Variants in FANCC observed in about 807,000 individuals in gnomAD.
FANCC encodes the protein Fanconi anemia group C protein.
A neutral mutation model predicts 71.3 loss-of-function variants in FANCC; 55 were observed. The observed-to-expected ratio is 0.77, with a 90% CI of 0.62 to 0.97. The LOEUF is 0.97. Among genes scored for constraint, FANCC ranks in the 50% least tolerant of loss-of-function variants. The pLI, the probability that FANCC is intolerant of heterozygous loss-of-function variation, is 0.00. For missense variants in FANCC, 678 were observed against 670.9 expected, an observed-to-expected ratio of 1.01 and a Z score of -0.12; for synonymous variants, 275 against 244.9, an observed-to-expected ratio of 1.12 and a Z score of -1.15.
intron 1 of FANCC, among the ~76,000 whole-genome samples, chr9:95,262,374 C>T (rs1003132467): frequency 2.6e-5 from 4 of 152,114 alleles, no homozygotes; most frequent in Admixed American, 6.5e-5. Context: ...AGGGAGGAGA[C>T]GCTGGGTGAC....
intron 4 of FANCC, among the ~76,000 whole-genome samples, chr9:95,191,240 C>T (rs938545505): frequency 2.6e-5 from 4 of 151,744 alleles, no homozygotes; most frequent in African/African-American, 9.7e-5. Context: ...AGCCTGAGTG[C>T]TCCCTCCTAT....
At chr9:95,123,522 T>C (rs1312873679) in intron 10 of FANCC, 1 of 500,160 alleles carries the variant, frequency 2.0e-6, no homozygotes, top group Non-Finnish European at 4.0e-6. Context: ...GCCTCCAATA[T>C]GATGAAAAAA....
At chr9:95,224,443 T>C (rs956388135) in intron 4 of FANCC, among the ~76,000 whole-genome samples, 1 of 151,916 alleles carries the variant, frequency 6.6e-6, no homozygotes, top group African/African-American at 2.4e-5. Flanking sequence ...AACAAGATAA[T>C]GCATGCATAA....
At chr9:95,166,135 G>C (rs1231896158) in intron 6 of FANCC, among the ~76,000 whole-genome samples, 3 of 151,902 alleles carry the variant, frequency 2.0e-5, no homozygotes, top group Non-Finnish European at 4.4e-5. Flanking sequence ...TGAGTCTCTT[G>C]TAGCTAGAAT....
chr9:95,111,071 C>T (rs1232848218), intron 13 of FANCC: 10 of 1,492,938 alleles, frequency 6.7e-6, no homozygotes, highest in African/African-American at 4.2e-5. Context: ...TGCTGGGGAG[C>T]GAGACAGGGC....
chr9:95,113,482 G>A (rs1353681911), intron 12 of FANCC, among the ~76,000 whole-genome samples: 1 of 151,920 alleles, frequency 6.6e-6, no homozygotes, highest in Non-Finnish European at 1.5e-5. Flanking sequence ...ACATAAGAGG[G>A]TACCTAACAC....
chr9:95,170,013 T>C (rs147715394), intron 6 of FANCC, among the ~76,000 whole-genome samples: 1 of 152,216 alleles, frequency 6.6e-6, no homozygotes, highest in Non-Finnish European at 1.5e-5. Flanking sequence ...TTTTAAAAAT[T>C]ATTTTGTTTA....
intron 1 of FANCC, among the ~76,000 whole-genome samples, chr9:95,275,322 CAG>C (rs972351006): frequency 3.9e-5 from 6 of 151,956 alleles, no homozygotes; most frequent in Admixed American, 2.0e-4. Context: ...AAAATAAAAA[CAG>C]AAATTCCACT....
At chr9:95,155,521 T>G (rs1429171513) in intron 6 of FANCC, among the ~76,000 whole-genome samples, 1 of 152,172 alleles carries the variant, frequency 6.6e-6, no homozygotes, top group Non-Finnish European at 1.5e-5. Flanking sequence ...TTTTTTCCCC[T>G]TTATTTACAT....
intron 7 of FANCC, among the ~76,000 whole-genome samples, chr9:95,145,676 G>A (rs866973245): frequency 2.6e-5 from 4 of 152,060 alleles, no homozygotes; most frequent in African/African-American, 9.7e-5. Context: ...TGATACTGCC[G>A]CACGCACATG....
intron 4 of FANCC, among the ~76,000 whole-genome samples, chr9:95,223,254 G>C (rs1829393739): frequency 6.6e-6 from 1 of 152,166 alleles, no homozygotes; most frequent in African/African-American, 2.4e-5. Flanking sequence ...GGTGTCCTAA[G>C]GGCTGATACC....
chr9:95,142,101 TC>T (rs1351104193), intron 7 of FANCC, among the ~76,000 whole-genome samples: 2 of 146,772 alleles, frequency 1.4e-5, no homozygotes, highest in African/African-American at 5.0e-5. Context: ...CAAGCAATTC[TC>T]CTGCCTCAGC....
At chr9:95,195,196 C>CAAAA (rs34771312) in intron 4 of FANCC, among the ~76,000 whole-genome samples, 30 of 42,598 alleles carry the variant, frequency 7.0e-4, no homozygotes, top group South Asian at 2.7e-3. Context: ...GACTCCGTCT[C>CAAAA]AAAAAAAAAA....
chr9:95,146,418 T>C (rs989333671), intron 7 of FANCC, among the ~76,000 whole-genome samples: 2 of 126,252 alleles, frequency 1.6e-5, no homozygotes, highest in African/African-American at 6.3e-5. Context: ...AGCCTGGGAG[T>C]TTGAGACTAC....
chr9:95,102,792 G>A (rs1293563753), intron 14 of FANCC, among the ~76,000 whole-genome samples: 1 of 152,212 alleles, frequency 6.6e-6, no homozygotes, highest in East Asian at 1.9e-4. Flanking sequence ...TGTCGCATGC[G>A]CACTGTGTGA....
intron 1 of FANCC, among the ~76,000 whole-genome samples, chr9:95,311,522 G>T (rs1445979472): frequency 6.6e-6 from 1 of 152,116 alleles, no homozygotes; most frequent in Admixed American, 6.5e-5. Flanking sequence ...GGTAAAGAAG[G>T]AATCACAGAC....
intron 1 of FANCC, among the ~76,000 whole-genome samples, chr9:95,296,376 T>C (rs1049814912): frequency 8.5e-5 from 13 of 152,192 alleles, no homozygotes; most frequent in Admixed American, 3.3e-4. Context: ...AGGAAAACTT[T>C]GAAGAAATAG....
intron 4 of FANCC, among the ~76,000 whole-genome samples, chr9:95,173,771 A>T (rs1825840809): frequency 6.6e-6 from 1 of 152,144 alleles, no homozygotes; most frequent in South Asian, 2.1e-4. Context: ...CAAAAAAATT[A>T]GCTGGGCATG....
rs192323291 is a variant in FANCC at position 95,275,144 on chromosome 9, C to A, written c.-78-25775G>T. Among the ~76,000 whole-genome samples, 4 of 151,364 alleles carry A rather than the reference C, an allele frequency of 2.6e-5. No homozygotes were observed. In the East Asian group the frequency reaches 7.8e-4, roughly 29 times the overall value. On this transcript the variant is annotated intron_variant, in intron 1 of 14. Transcript: ENST00000289081. ...AAAAAAGAAAAATAAATTAGCCAGG[C>A]ATGGTTGTGTGTACCTGTACTCCCA...
Sources: gnomAD v4.1 joint callset for allele counts (sites outside exome capture counted in the v4.1 genomes callset) on GRCh38, gnomAD v4.1.1 for gene constraint, MANE v1.5 for transcripts, NCBI Gene and HGNC (gene_info 2026-07-23, HGNC 2026-07-21) for gene names.